Variants in NPY5R observed in about 807,000 individuals in gnomAD.
The protein encoded by NPY5R is neuropeptide Y receptor Y5, also known as neuropeptide Y receptor type 5.
A neutral mutation model predicts 24.8 loss-of-function variants in NPY5R; 21 were observed. The ratio of observed to expected loss-of-function variants is 0.85; its 90% CI spans 0.60 to 1.22. NPY5R has a LOEUF of 1.22. Among genes scored for constraint, NPY5R ranks in the 50% most tolerant of loss-of-function variants. NPY5R has a pLI of 0.00. For synonymous variants in NPY5R, 175 were observed against 183.0 expected, an observed-to-expected ratio of 0.96 and a Z score of 0.35; for missense variants, 481 against 521.3, an observed-to-expected ratio of 0.92 and a Z score of 0.75.
rs147973634 is a variant in NPY5R at position 163,350,894 on chromosome 4, C to T, written c.621C>T (p.Tyr207=). 194 of 1,614,116 alleles carry T rather than the reference C, an allele frequency of 1.2e-4. No homozygotes were observed. The African/African-American group carries it at 2.3e-3, about 19-fold the overall frequency. ...TTGAGTCATGGCCATCTGATTCATA[C>T]AGAATTGCCTTTACTATCTCTTTAT... ...LCVESWPSDS[Y]RIAFTISLLL... Residue 207 remains tyrosine (Y), a synonymous_variant, in exon 4 of 4, where the codon TAC becomes TAT. Coordinates refer to ENST00000338566, the MANE Select transcript of NPY5R (RefSeq NM_006174.4).
Position 163,348,905 on chromosome 4 carries a change from G to C in NPY5R, c.-9-1360G>C, listed in dbSNP as rs1735364718. Among the ~76,000 whole-genome samples, 4 of 152,100 alleles carry C rather than the reference G, an allele frequency of 2.6e-5. 1 individual carries two copies. In the South Asian group the frequency reaches 8.3e-4, roughly 32 times the overall value. ...ACGTTTAAGGTATAATGTTTTCCTT[G>C]AACAATGAATTCATTGACTCGTTCA... is the stretch of plus-strand genomic sequence containing the variant. On this transcript the variant is annotated intron_variant, in intron 3 of 3. Coordinates refer to ENST00000338566, the MANE Select transcript of NPY5R (RefSeq NM_006174.4).
Position 163,350,329 on chromosome 4 carries a change from C to G in NPY5R, c.56C>G (p.Thr19Ser). The change falls in exon 4 of 4, where the codon ACT becomes AGT. Residue 19 changes from threonine (T) to serine (S), a missense_variant. Transcript: ENST00000338566. ...YNKTLATENN[T>S]AATRNSDFPV... The stretch of plus-strand genomic sequence containing the variant: ...AAGACACTTGCCACAGAGAATAATA[C>G]TGCTGCCACTCGGAATTCTGATTTC... The G allele has an allele frequency of 6.2e-7, 1 of 1,609,302 alleles. No individual in the cohort carries two copies. Among genetic ancestry groups the G allele is most frequent in the Non-Finnish European group, 8.5e-7 (1 of 1,176,460 alleles).
At chr4:163,345,939 CT>C (rs940797105) in intron 2 of NPY5R, among the ~76,000 whole-genome samples, 186 bp downstream of exon 2, 8 of 149,850 alleles carry the variant, frequency 5.3e-5, no homozygotes, top group Admixed American at 2.0e-4. Context: ...CCCACCCCCC[CT>C]CCCTGCCTCC....
At chr4:163,348,558 T>C in intron 3 of NPY5R, among the ~76,000 whole-genome samples, 1 of 151,592 alleles carries the variant, frequency 6.6e-6, no homozygotes, top group African/African-American at 2.4e-5. Flanking sequence ...GATGAGAGGA[T>C]TGCTTGAGTC....
chr4:163,350,888 T>C lies in NPY5R; in HGVS notation c.615T>C (p.Asp205=). Residue 205 remains aspartate (D), a synonymous_variant, in exon 4 of 4, where the codon GAT becomes GAC. Transcript: ENST00000338566. The part of the protein sequence containing the change: ...RYLCVESWPS[D]SYRIAFTISL... ...TATGTGTTGAGTCATGGCCATCTGA[T>C]TCATACAGAATTGCCTTTACTATCT... 1 of 1,614,190 alleles carries C rather than the reference T, an allele frequency of 6.2e-7. No individual in the cohort carries two copies. The highest frequency in any genetic ancestry group is 8.5e-7 in the Non-Finnish European group (1 of 1,180,040).
intron 2 of NPY5R, among the ~76,000 whole-genome samples, chr4:163,346,406 T>C (rs1231061688): frequency 2.0e-5 from 3 of 152,182 alleles, no homozygotes; most frequent in South Asian, 2.1e-4. Flanking sequence ...AGAATATTCT[T>C]GGCATAGCAC....
In NPY5R at chr4:163,350,269, A is replaced by G; in HGVS notation, c.-5A>G. On this transcript the variant is annotated 5_prime_UTR_variant, in exon 4 of 4. Coordinates refer to ENST00000338566, the MANE Select transcript of NPY5R (RefSeq NM_006174.4). ...ATGTCTTTTTATTCCAAGCAGGACT[A>G]TAATATGGATTTAGAGCTCGACGAG... The G allele has an allele frequency of 6.5e-7, 1 of 1,546,790 alleles. No individual in the cohort carries two copies. The highest frequency in any genetic ancestry group is 8.7e-7 in the Non-Finnish European group (1 of 1,147,928).
At position 163,351,650 on chromosome 4, in the gene NPY5R, G is replaced by A. The variant is rs758633437; in HGVS notation, c.*39G>A. The A allele has an allele frequency of 1.4e-6, 2 of 1,404,918 alleles. No individual in the cohort carries two copies. Among genetic ancestry groups the A allele is most frequent in the South Asian group, 2.9e-5 (2 of 68,330 alleles). 87.0% of individuals were successfully genotyped at this position (1,404,918 alleles called of 1,614,324 possible). On this transcript the variant is annotated 3_prime_UTR_variant, in exon 4 of 4. Transcript: ENST00000338566. ...TTACCAAGGAAAGAACAAATGCTGGGGTCATATAAAATATATTTATGATAA... is the reference window on the plus strand; with the variant it reads ...TTACCAAGGAAAGAACAAATGCTGGAGTCATATAAAATATATTTATGATAA...
At chr4:163,350,242 A>C in intron 3 of NPY5R, 23 bp from the exon 4 acceptor site, 1 of 1,508,526 alleles carries the variant, frequency 6.6e-7, no homozygotes, top group South Asian at 1.4e-5. Context: ...GGTTGCTGAC[A>C]AATGTCTTTT....
chr4:163,350,058 G>C (rs951026553), intron 3 of NPY5R, among the ~76,000 whole-genome samples: 1 of 141,284 alleles, frequency 7.1e-6, no homozygotes, highest in African/African-American at 2.7e-5. Context: ...GAGCCGAGAT[G>C]GCGCCACTGC....
intron 2 of NPY5R, 31 bp from the exon 3 acceptor site, chr4:163,347,421 G>A (rs1281425175): frequency 6.6e-6 from 1 of 152,186 alleles, no homozygotes; most frequent in Non-Finnish European, 1.5e-5. Flanking sequence ...TGTAGAAGGG[G>A]CCATCTAATT....
At position 163,350,515 on chromosome 4, in the gene NPY5R, G is replaced by T. The variant is rs752819658; in HGVS notation, c.242G>T (p.Gly81Val). ...AAGACTACGGTAAACTTCCTCATAGGCAATCTGGCCTTTTCTGATATCTTG... is the reference window on the plus strand; with the variant it reads ...AAGACTACGGTAAACTTCCTCATAGTCAATCTGGCCTTTTCTGATATCTTG... ...NQKTTVNFLI[G>V]NLAFSDILVV... is the part of the protein sequence containing the mutation. The change falls in exon 4 of 4, where the codon GGC (glycine) becomes GTC (valine). Residue 81 changes from glycine to valine, a missense_variant. By Grantham distance (109) the Gly-to-Val change is moderately radical. Transcript: ENST00000338566. 3 of 1,614,122 alleles carry T rather than the reference G, an allele frequency of 1.9e-6. No individual in the cohort carries two copies. Among genetic ancestry groups the T allele is most frequent in the Admixed American group, 1.7e-5 (1 of 60,018 alleles).
chr4:163,344,138 T>C (rs1028472395), intron 1 of NPY5R, 138 bp downstream of exon 1: 3 of 151,948 alleles, frequency 2.0e-5, no homozygotes, highest in African/African-American at 7.3e-5. Context: ...TGCCAGGGCG[T>C]TGTCGGGGGT....
At chr4:163,346,784 A>G (rs564753695) in intron 2 of NPY5R, among the ~76,000 whole-genome samples, 2 of 152,296 alleles carry the variant, frequency 1.3e-5, no homozygotes, top group Middle Eastern at 3.4e-3. Flanking sequence ...AAATGGATAT[A>G]CTTCTTTTTT....
Position 163,351,573 on chromosome 4 carries a change from G to A in NPY5R, c.1300G>A (p.Ala434Thr). The A allele has an allele frequency of 6.2e-7, 1 of 1,609,786 alleles. No homozygotes were observed. The highest frequency in any genetic ancestry group is 8.5e-7 in the Non-Finnish European group (1 of 1,176,206). The change falls in exon 4 of 4, where the codon GCT becomes ACT. Residue 434 changes from alanine to threonine, a missense_variant. Physicochemically the swap from Ala to Thr is moderately conservative, Grantham distance 58. Transcript: ENST00000338566. ...LYGFLNNGIK[A>T]DLVSLIHCLH... ...TGGGTTTCTTAATAATGGGATTAAAGCTGATTTAGTGTCCCTTATACACTG... is the reference window on the plus strand; with the variant it reads ...TGGGTTTCTTAATAATGGGATTAAAACTGATTTAGTGTCCCTTATACACTG...
rs143395004 is a variant in NPY5R at position 163,350,842 on chromosome 4, C to G, written c.569C>G (p.Ala190Gly). Reference sequence around the variant, plus strand: ...GAACTTCAAGAAACATTTGGTTCAGCATTGCTGAGCAGCAGGTATTTATGT... The same window carrying G: ...GAACTTCAAGAAACATTTGGTTCAGGATTGCTGAGCAGCAGGTATTTATGT... ...LVELQETFGS[A>G]LLSSRYLCVE... Residue 190 changes from alanine to glycine, a missense_variant, in exon 4 of 4, where the codon GCA (alanine) becomes GGA (glycine). By Grantham distance (60) the Ala-to-Gly change is moderately conservative. Transcript: ENST00000338566. 1.9e-6 allele frequency: 3 copies of G among 1,614,100 alleles called. No individual in the cohort carries two copies. The African/African-American group carries it at 4.0e-5, about 22-fold the overall frequency.
At chr4:163,344,574 C>G (rs558702831) in intron 1 of NPY5R, 4 of 152,252 alleles carry the variant, frequency 2.6e-5, no homozygotes, top group Non-Finnish European at 5.9e-5. Context: ...AGCGCTGACC[C>G]GAGCCCGGGA....
chr4:163,345,575 C>CT (rs1192826995), intron 1 of NPY5R, 139 bp from the exon 2 acceptor site: 28 of 152,156 alleles, frequency 1.8e-4, no homozygotes, highest in Non-Finnish European at 2.9e-5. Context: ...AATATTTTTT[C>CT]TCTGGCTATA....
chr4:163,348,771 G>T (rs1047496072), intron 3 of NPY5R, among the ~76,000 whole-genome samples: 1 of 151,626 alleles, frequency 6.6e-6, no homozygotes, highest in African/African-American at 2.4e-5. Context: ...AGCATCAAAA[G>T]TCTAATATGT....
Sources: gnomAD v4.1 joint callset for allele counts (sites outside exome capture counted in the v4.1 genomes callset) on GRCh38, gnomAD v4.1.1 for gene constraint, MANE v1.5 for transcripts, NCBI Gene and HGNC (gene_info 2026-07-23, HGNC 2026-07-21) for gene names.